PCIF1: variants seen among roughly 807,000 people sequenced by gnomAD.
PCIF1 encodes the protein mRNA (2'-O-methyladenosine-N(6)-)-methyltransferase.
Under a neutral mutation model 86.9 loss-of-function variants are expected in PCIF1, and 12 were observed. The ratio of observed to expected loss-of-function variants is 0.14; its 90% CI spans 0.09 to 0.22. The LOEUF (loss-of-function observed/expected upper bound fraction) is 0.22, where lower values mean the gene tolerates loss of function less well. PCIF1 is among the 10% of genes least tolerant of loss of function. The pLI is 1.00. For missense variants in PCIF1, 701 were observed against 951.1 expected, an observed-to-expected ratio of 0.74 and a Z score of 3.46; for synonymous variants, 397 against 372.0, an observed-to-expected ratio of 1.07 and a Z score of -0.77.
Position 45,941,143 on chromosome 20 carries a change from G to A in PCIF1, c.609G>A (p.Leu203=). 2 of 1,614,216 alleles carry A rather than the reference G, an allele frequency of 1.2e-6. No individual in the cohort carries two copies. Among genetic ancestry groups the A allele is most frequent in the Non-Finnish European group, 1.7e-6 (2 of 1,180,052 alleles). The change falls in exon 7 of 17, where the codon CTG becomes CTA. Residue 203 remains leucine (L), a synonymous_variant. Transcript: ENST00000372409. Reference sequence around the variant, plus strand: ...TGCCCCCGCATCCCGAAGTGGAACTGCTCCGCTCTCAGCTCATCCTGAAGC... The same window carrying A: ...TGCCCCCGCATCCCGAAGTGGAACTACTCCGCTCTCAGCTCATCCTGAAGC... ...EVLPPHPEVE[L]LRSQLILKLR...
chr20:45,947,496 C>T lies in PCIF1; in HGVS notation c.1884-28C>T. On this transcript the variant is annotated intron_variant, in intron 16 of 16. Coordinates refer to ENST00000372409, the MANE Select transcript of PCIF1 (RefSeq NM_022104.4). This position sits in a 1 kb window ranked among gnomAD's most constrained non-coding sequence, Gnocchi z 5.4. Reference sequence around the variant, plus strand: ...GGGCTGGCCAGGCCAGGCCCAGCCCCACCCTGAGCCATTGCCTTTGCCCGC... The same window carrying T: ...GGGCTGGCCAGGCCAGGCCCAGCCCTACCCTGAGCCATTGCCTTTGCCCGC... 4 of 1,613,476 alleles carry T rather than the reference C, an allele frequency of 2.5e-6. No individual in the cohort carries two copies. Among genetic ancestry groups the T allele is most frequent in the Non-Finnish European group, 3.4e-6 (4 of 1,179,918 alleles).
At chr20:45,945,555 C>G (rs542447923) in intron 11 of PCIF1, among the ~76,000 whole-genome samples, 156 bp from the exon 12 acceptor site, 128 of 152,278 alleles carry the variant, frequency 8.4e-4, no homozygotes, top group African/African-American at 2.9e-3. Context: ...TGGCTGGTTT[C>G]TTTTTATGGC....
In PCIF1 at chr20:45,943,024, TC is replaced by T; in HGVS notation, c.674-71del. On this transcript the variant is annotated intron_variant, in intron 7 of 16. Coordinates refer to ENST00000372409, the MANE Select transcript of PCIF1 (RefSeq NM_022104.4). The surrounding 1 kb of genome is among the most constrained non-coding windows in gnomAD (Gnocchi z 5.5). ...CTTGCTTACTGCTGAATGCGATGCT[TC>T]CTATACGTGCCAAGCTCCAAGTGGG... 6.7e-7 allele frequency: 1 copy of T among 1,486,264 alleles called. No homozygotes were observed. The highest frequency in any genetic ancestry group is 9.2e-7 in the Non-Finnish European group (1 of 1,085,286). 92.1% of individuals were successfully genotyped at this position (1,486,264 alleles called of 1,614,324 possible). A position where few individuals can be genotyped will look rare whatever the true frequency, so the allele number is the denominator to read the frequency against.
intron 1 of PCIF1, among the ~76,000 whole-genome samples, chr20:45,936,634 A>G (rs924739403): frequency 6.7e-6 from 1 of 149,196 alleles, no homozygotes; most frequent in Non-Finnish European, 1.5e-5. Context: ...TGCAGGTGCA[A>G]TTTTTTTTTA....
Position 45,947,929 on chromosome 20 carries a change from A to G in PCIF1, c.*174A>G, listed in dbSNP as rs1312701461. 4 of 1,533,396 alleles carry G rather than the reference A, an allele frequency of 2.6e-6. No homozygotes were observed. The highest frequency in any genetic ancestry group is 4.9e-5 in the East Asian group (2 of 40,852). 95.0% of individuals were successfully genotyped at this position (1,533,396 alleles called of 1,614,324 possible). On this transcript the variant is annotated 3_prime_UTR_variant, in exon 17 of 17. Coordinates refer to ENST00000372409, the MANE Select transcript of PCIF1 (RefSeq NM_022104.4). The surrounding 1 kb of genome is among the most constrained non-coding windows in gnomAD (Gnocchi z 5.4). Reference sequence around the variant, plus strand: ...TCACCTCAAACTCCCTCCAAGTCCCATGTATATAGGTCCTGATGCCTTCCC... The same window carrying G: ...TCACCTCAAACTCCCTCCAAGTCCCGTGTATATAGGTCCTGATGCCTTCCC...
chr20:45,935,274 C>T (rs574353084), intron 1 of PCIF1, among the ~76,000 whole-genome samples: 1 of 152,216 alleles, frequency 6.6e-6, no homozygotes, highest in South Asian at 2.1e-4. Flanking sequence ...CCTTTGACTC[C>T]TCCCTACTGG....
chr20:45,937,220 G>T (rs1474524287), intron 1 of PCIF1, among the ~76,000 whole-genome samples, 198 bp from the exon 2 acceptor site: 1 of 152,192 alleles, frequency 6.6e-6, no homozygotes, highest in Non-Finnish European at 1.5e-5. Flanking sequence ...GTGCAGCCGT[G>T]CAGGTCACAT....
Position 45,939,316 on chromosome 20 carries a change from G to T in PCIF1, c.226G>T (p.Val76Leu), listed in dbSNP as rs764558584. Residue 76 changes from valine (V) to leucine (L), a missense_variant, in exon 4 of 17, where the codon GTG becomes TTG. Val to Leu is a conservative substitution (Grantham distance 32, BLOSUM62 1). Coordinates refer to ENST00000372409, the MANE Select transcript of PCIF1 (RefSeq NM_022104.4). ...FTNQSLWEMPVLGQHDVISDP... is the reference protein window; with the variant it reads ...FTNQSLWEMPLLGQHDVISDP... ...CAACCAGTCCCTGTGGGAGATGCCC[G>T]TGCTGGGGCAGCACGATGTGATTGT... The T allele has an allele frequency of 6.2e-7, 1 of 1,613,730 alleles. No individual in the cohort carries two copies. The highest frequency in any genetic ancestry group is 2.2e-5 in the East Asian group (1 of 44,886).
chr20:45,945,853 C>G lies in PCIF1; in HGVS notation c.1311C>G (p.Val437=), dbSNP rs2083520269. ...GCATCCGGTATAAGGGAGAGATGGT[C>G]AAGGTCAGCCGCAACTACTTCAGCA... ...VVCIRYKGEM[V]KVSRNYFSKL... is the part of the protein sequence containing the mutation. Residue 437 remains valine, a synonymous_variant, in exon 12 of 17, where the codon GTC becomes GTG. Transcript: ENST00000372409. 1 of 1,613,638 alleles carries G rather than the reference C, an allele frequency of 6.2e-7. No homozygotes were observed. Among genetic ancestry groups the G allele is most frequent in the South Asian group, 1.1e-5 (1 of 91,072 alleles).
At position 45,944,922 on chromosome 20, in the gene PCIF1, A is replaced by C; in HGVS notation, c.1060A>C (p.Lys354Gln). ...QCGPHVSAAA[K>Q]DSVEGICSKI... ...TGGCCCCCACGTCTCGGCCGCAGCCAAGGACTCCGTGGAAGGCATCTGCAG... is the reference window on the plus strand; with the variant it reads ...TGGCCCCCACGTCTCGGCCGCAGCCCAGGACTCCGTGGAAGGCATCTGCAG... The change falls in exon 11 of 17, where the codon AAG becomes CAG. Residue 354 changes from lysine (K) to glutamine (Q), a missense_variant. Physicochemically the swap from Lys to Gln is moderately conservative, Grantham distance 53. Around this residue, in one of 7 missense-constraint regions of PCIF1, gnomAD observed 129 missense variants for 245.9 expected, o/e 0.52. Transcript: ENST00000372409. 3 of 1,614,170 alleles carry C rather than the reference A, an allele frequency of 1.9e-6. No individual in the cohort carries two copies. The highest frequency in any genetic ancestry group is 2.5e-6 in the Non-Finnish European group (3 of 1,180,016).
rs1243042999 is a variant in PCIF1, at chr20:45,946,065, G to A, written c.1378G>A (p.Ala460Thr). ...CCGCTACAGCTGCATTGATGACTCT[G>A]CCTTTGAGAGGTTCCTGCCCCGGGT... ...LYRYSCIDDS[A>T]FERFLPRVWC... Residue 460 changes from alanine (A) to threonine (T), a missense_variant, in exon 13 of 17, where the codon GCC (alanine) becomes ACC (threonine). Ala to Thr is a moderately conservative substitution (Grantham distance 58). Around this residue, in one of 7 missense-constraint regions of PCIF1, gnomAD observed 121 missense variants for 131.7 expected, o/e 0.92. Coordinates refer to ENST00000372409, the MANE Select transcript of PCIF1 (RefSeq NM_022104.4). 1 of 1,614,138 alleles carries A rather than the reference G, an allele frequency of 6.2e-7. No homozygotes were observed. The highest frequency in any genetic ancestry group is 1.1e-5 in the South Asian group (1 of 91,078).
chr20:45,939,524 G>C (rs958059670), intron 4 of PCIF1, among the ~76,000 whole-genome samples, 185 bp downstream of exon 4: 3 of 152,252 alleles, frequency 2.0e-5, no homozygotes, highest in African/African-American at 7.2e-5. Context: ...AGACTGACAA[G>C]TAAACAGATG....
intron 10 of PCIF1, 61 bp from the exon 11 acceptor site, chr20:45,944,807 G>C: frequency 1.3e-6 from 2 of 1,552,194 alleles, no homozygotes; most frequent in Admixed American, 3.6e-5. Flanking sequence ...GCGGTTACCT[G>C]CCAGCCCAGC....
At chr20:45,940,762 T>C (rs1193096423) in intron 5 of PCIF1, 47 bp from the exon 6 acceptor site, 2 of 1,603,924 alleles carry the variant, frequency 1.2e-6, no homozygotes, top group South Asian at 1.1e-5. Context: ...GGATGGAGCC[T>C]CTCTGGTGAA....
At chr20:45,935,195 C>T (rs1389579179) in intron 1 of PCIF1, among the ~76,000 whole-genome samples, 8 of 144,882 alleles carry the variant, frequency 5.5e-5, no homozygotes, top group Non-Finnish European at 1.1e-4. Flanking sequence ...GGGGAAGGTG[C>T]GCGCGCGCGC....
At position 45,943,275 on chromosome 20, in the gene PCIF1, G is replaced by C; in HGVS notation, c.821+31G>C. The C allele has an allele frequency of 6.2e-7, 1 of 1,613,992 alleles. No individual in the cohort carries two copies. Among genetic ancestry groups the C allele is most frequent in the South Asian group, 1.1e-5 (1 of 91,090 alleles). ...GCTCCACAGCTGGGGATGACCCTGG[G>C]CCATTTGGTTTCTGTGCCCAGTCAT... On this transcript the variant is annotated intron_variant, in intron 8 of 16. Transcript: ENST00000372409. This position sits in a 1 kb window ranked among gnomAD's most constrained non-coding sequence, Gnocchi z 5.5.
intron 1 of PCIF1, among the ~76,000 whole-genome samples, chr20:45,936,168 TTTTTTA>T (rs1193010771): frequency 6.6e-6 from 1 of 152,040 alleles, no homozygotes; most frequent in African/African-American, 2.4e-5. Flanking sequence ...CTTTATTTTA[TTTTTTA>T]TTTTTATTTA....
chr20:45,934,696 C>A lies in PCIF1; in HGVS notation c.-296C>A, dbSNP rs1380043786. On this transcript the variant is annotated 5_prime_UTR_variant, in exon 1 of 17. Transcript: ENST00000372409. ...CGCATGCGCAGCGCGGAGTCCCGGC[C>A]CGGGACACAAGATGGCGGCAGCGGC... 7 of 398,614 alleles carry A rather than the reference C, an allele frequency of 1.8e-5. No individual in the cohort carries two copies. The highest frequency in any genetic ancestry group is 2.7e-5 in the Non-Finnish European group (6 of 225,876). 24.7% of individuals were successfully genotyped at this position (398,614 alleles called of 1,614,324 possible).
chr20:45,940,873 C>G lies in PCIF1; in HGVS notation c.452C>G (p.Pro151Arg). The part of the protein sequence containing the change: ...VPSSPSIPGT[P>R]TLKMWGTSPE... ...AGCTCCCCCAGTATCCCAGGAACCC[C>G]AACGCTGAAGATGTGGGGTACGTCC... The change falls in exon 6 of 17, where the codon CCA becomes CGA. Residue 151 changes from proline to arginine, a missense_variant. By Grantham distance (103) the Pro-to-Arg change is moderately radical (BLOSUM62 -2). Transcript: ENST00000372409. 6.2e-7 allele frequency: 1 copy of G among 1,614,198 alleles called. No individual in the cohort carries two copies. Among genetic ancestry groups the G allele is most frequent in the Non-Finnish European group, 8.5e-7 (1 of 1,180,030 alleles).
Sources: gnomAD v4.1 joint callset for allele counts (sites outside exome capture counted in the v4.1 genomes callset) on GRCh38, gnomAD v4.1.1 for gene constraint, gnomAD v4.1.1 regional missense constraint, Gnocchi (gnomAD v3.1) non-coding constraint, MANE v1.5 for transcripts, NCBI Gene and HGNC (gene_info 2026-07-23, HGNC 2026-07-21) for gene names.